The following KLC2 variants were observed in gnomAD, a reference collection of about 807,000 sequenced individuals.
KLC2 encodes the protein kinesin light chain 2, also known as KLC 2.
Under a neutral mutation model 75.1 loss-of-function variants are expected in KLC2, and 35 were observed. The ratio of observed to expected loss-of-function variants is 0.47; its 90% CI spans 0.36 to 0.62. The LOEUF is 0.62. Ranked by LOEUF, KLC2 falls within the 20% of genes least tolerant of loss-of-function variation. The pLI is 0.00. For missense variants in KLC2, 611 were observed against 833.2 expected (o/e 0.73, Z 3.28); for synonymous variants, 314 against 336.7 (o/e 0.93, Z 0.74).
intron 2 of KLC2, chr11:66,261,211 C>G: frequency 6.5e-6 from 1 of 153,334 alleles, no homozygotes. Flanking sequence ...CTTTTCCTGC[C>G]CCTGTGGCTC....
intron 1 of KLC2, 34 bp downstream of exon 1, chr11:66,257,905 T>G (rs1856115663): frequency 6.6e-6 from 1 of 152,278 alleles, no homozygotes; most frequent in Non-Finnish European, 1.5e-5. Context: ...GGAGACGGGG[T>G]CAGGCCCTAA....
the KLC2 span, among the ~76,000 whole-genome samples, chr11:66,250,476 C>A: frequency 9.8e-5 from 15 of 152,300 alleles, 1 homozygote; most frequent in African/African-American, 3.4e-4. Context: ...ATCTTCCCAA[C>A]CATCCATACA....
At chr11:66,261,649 T>G in intron 2 of KLC2, 93 bp from the exon 3 acceptor site, 4 of 753,600 alleles carry the variant, frequency 5.3e-6, no homozygotes, top group East Asian at 2.6e-5. Flanking sequence ...GGCCTGGCCC[T>G]TCACTGGGTG....
rs200774812 is a variant in KLC2, at chr11:66,265,942, T to C, written c.1532T>C (p.Met511Thr). The C allele has an allele frequency of 2.7e-4, 426 of 1,597,996 alleles. No homozygotes were observed. The highest frequency in any genetic ancestry group is 3.4e-4 in the Non-Finnish European group (402 of 1,169,698). The change falls in exon 13 of 16, where the codon ATG becomes ACG. Residue 511 changes from methionine to threonine, a missense_variant. By Grantham distance (81) the Met-to-Thr change is moderately conservative (BLOSUM62 -1). Coordinates refer to ENST00000394067, the MANE Select transcript of KLC2 (RefSeq NM_001318734.2). ...GGAGACCGCCGCAGCAGCCGAGACA[T>C]GGCTGGGGGTGCCGGGCCTCGGTCT... is the stretch of plus-strand genomic sequence containing the variant. ...RRGDRRSSRD[M>T]AGGAGPRSES... is the part of the protein sequence containing the mutation.
intron 5 of KLC2, among the ~76,000 whole-genome samples, 197 bp downstream of exon 5, chr11:66,263,233 C>T (rs1311956838): frequency 6.6e-6 from 1 of 152,124 alleles, no homozygotes; most frequent in Non-Finnish European, 1.5e-5. Context: ...CTCCAGGGGT[C>T]CTGGGGAGTC....
intron 2 of KLC2, 148 bp from the exon 3 acceptor site, chr11:66,261,594 C>G (rs1477353290): frequency 1.7e-6 from 1 of 603,284 alleles, no homozygotes; most frequent in Non-Finnish European, 2.9e-6. Context: ...GAGATTCTCC[C>G]TTGACAAGCA....
Position 66,265,025 on chromosome 11 carries a change from G to A in KLC2, c.1219G>A (p.Asp407Asn), listed in dbSNP as rs1856714899. 2 of 1,613,162 alleles carry A rather than the reference G, an allele frequency of 1.2e-6. No individual in the cohort carries two copies. The highest frequency in any genetic ancestry group is 1.1e-5 in the South Asian group (1 of 91,048). The change falls in exon 10 of 16, where the codon GAC (aspartate) becomes AAC (asparagine). Residue 407 changes from aspartate to asparagine, a missense_variant and splice_region_variant. Asp to Asn is a conservative substitution (Grantham distance 23). Coordinates refer to ENST00000394067, the MANE Select transcript of KLC2 (RefSeq NM_001318734.2). ...HEKEFGSVNG[D>N]NKPIWMHAEE... is the part of the protein sequence containing the mutation. Reference sequence around the variant, plus strand: ...GACAGTCCCCTTTCTCTCCCCAGGGGACAACAAGCCCATCTGGATGCACGC... The same window carrying A: ...GACAGTCCCCTTTCTCTCCCCAGGGAACAACAAGCCCATCTGGATGCACGC...
intron 2 of KLC2, among the ~76,000 whole-genome samples, chr11:66,259,038 G>A (rs987264321): frequency 6.6e-6 from 1 of 152,166 alleles, no homozygotes; most frequent in Non-Finnish European, 1.5e-5. Context: ...CCCACGCAGA[G>A]CCCCATTTCC....
At position 66,261,744 on chromosome 11, in the gene KLC2, G is replaced by C. The variant is rs772561726; in HGVS notation, c.231G>C (p.Val77=). ...CCTTACCTGGGCTGGTTGCACAGGTGATCTTGGCATTGTCGAGCCACCTGG... is the reference window on the plus strand; with the variant it reads ...CCTTACCTGGGCTGGTTGCACAGGTCATCTTGGCATTGTCGAGCCACCTGG... ...AIELGLGEAQ[V]ILALSSHLGA... is the part of the protein sequence containing the mutation. Residue 77 remains valine, a splice_region_variant and synonymous_variant, in exon 3 of 16, where the codon GTG becomes GTC. Coordinates refer to ENST00000394067, the MANE Select transcript of KLC2 (RefSeq NM_001318734.2). 2.5e-6 allele frequency: 4 copies of C among 1,609,370 alleles called. No homozygotes were observed. The highest frequency in any genetic ancestry group is 1.7e-5 in the Admixed American group (1 of 60,006).
At chr11:66,254,802 G>A (rs1855990652), upstream of KLC2, among the ~76,000 whole-genome samples, 1 of 151,972 alleles carries the variant, frequency 6.6e-6, no homozygotes, top group East Asian at 1.9e-4. Context: ...GCATGCGCCT[G>A]TAGTCCCAGC....
chr11:66,265,189 C>A lies in KLC2; in HGVS notation c.1288C>A (p.Pro430Thr). Residue 430 changes from proline (P) to threonine (T), a missense_variant, in exon 11 of 16, where the codon CCC becomes ACC. Transcript: ENST00000394067. Reference protein sequence around the residue: ...ESKDKRRDSAPYGEYGSWYKA... With the variant: ...ESKDKRRDSATYGEYGSWYKA... Reference sequence around the variant, plus strand: ...CCAGGATAAGCGCCGGGACAGCGCCCCCTATGGGGAATACGGCAGCTGGTA... The same window carrying A: ...CCAGGATAAGCGCCGGGACAGCGCCACCTATGGGGAATACGGCAGCTGGTA... 1 of 1,602,586 alleles carries A rather than the reference C, an allele frequency of 6.2e-7. No individual in the cohort carries two copies. The highest frequency in any genetic ancestry group is 8.5e-7 in the Non-Finnish European group (1 of 1,171,390).
intron 6 of KLC2, 39 bp from the exon 7 acceptor site, chr11:66,263,812 A>G: frequency 6.2e-7 from 1 of 1,605,276 alleles, no homozygotes; most frequent in East Asian, 2.2e-5. Flanking sequence ...AGAGTCCTGC[A>G]GGGCCTGAGT....
At chr11:66,256,199 T>C (rs1340775870), upstream of KLC2, among the ~76,000 whole-genome samples, 1 of 151,778 alleles carries the variant, frequency 6.6e-6, no homozygotes, top group Non-Finnish European at 1.5e-5. Context: ...GAGACCAGCC[T>C]GGGCAACATA....
At chr11:66,254,258 G>A (rs905975339), upstream of KLC2, among the ~76,000 whole-genome samples, 3 of 152,082 alleles carry the variant, frequency 2.0e-5, no homozygotes, top group East Asian at 1.9e-4. Flanking sequence ...CATTGAGCCC[G>A]GTGCAGCCGC....
At chr11:66,264,655 G>T (rs1451749647) in intron 9 of KLC2, 2 of 595,104 alleles carry the variant, frequency 3.4e-6, no homozygotes, top group South Asian at 4.0e-5. Context: ...GCCTGCTAGG[G>T]CCTCACACGC....
In KLC2 at chr11:66,261,879, C is replaced by G. The variant is rs764235867; in HGVS notation, c.366C>G (p.Arg122=). 5.0e-5 allele frequency: 80 copies of G among 1,614,164 alleles called. No homozygotes were observed. In the Middle Eastern group the frequency reaches 8.3e-4, roughly 17 times the overall value. ...ELAGTQQKLQ[R]SEQAVAQLEE... ...CGGGGACACAGCAGAAGCTGCAGCG[C>G]AGTGAGCAGGCCGTGGCCCAGCTCG... The change falls in exon 3 of 16, where the codon CGC becomes CGG. Residue 122 remains arginine, a synonymous_variant. Coordinates refer to ENST00000394067, the MANE Select transcript of KLC2 (RefSeq NM_001318734.2).
chr11:66,265,510 G>A (rs965901290), intron 11 of KLC2, 145 bp from the exon 12 acceptor site: 2 of 737,098 alleles, frequency 2.7e-6, no homozygotes, highest in Admixed American at 2.9e-5. Flanking sequence ...GAGGCTGGGT[G>A]GGCCCAGCAC....
At chr11:66,256,439 A>C (rs1481170860), upstream of KLC2, among the ~76,000 whole-genome samples, 1 of 152,062 alleles carries the variant, frequency 6.6e-6, no homozygotes, top group Admixed American at 6.5e-5. Flanking sequence ...AAATACAAAA[A>C]ATTAGCTAGG....
the KLC2 span, among the ~76,000 whole-genome samples, chr11:66,250,538 C>T: frequency 6.6e-6 from 1 of 152,096 alleles, no homozygotes. Flanking sequence ...CAGCATGAAC[C>T]TAGGTTGGGT....
Sources: gnomAD v4.1 joint callset for allele counts (sites outside exome capture counted in the v4.1 genomes callset) on GRCh38, gnomAD v4.1.1 for gene constraint, MANE v1.5 for transcripts, NCBI Gene and HGNC (gene_info 2026-07-23, HGNC 2026-07-21) for gene names.